The following TOX3 variants were observed in gnomAD, a reference collection of about 807,000 sequenced individuals.
The protein encoded by TOX3 is CAG trinucleotide repeat-containing gene F9 protein.
Under a neutral mutation model 64.3 loss-of-function variants are expected in TOX3, and 22 were observed. That is an observed-to-expected ratio of 0.34 (90% confidence interval 0.24 to 0.49). TOX3 has a LOEUF of 0.49. Ranked by LOEUF, TOX3 falls within the 20% of genes least tolerant of loss-of-function variation. TOX3 has a pLI of 0.99. For synonymous variants in TOX3, 291 were observed against 273.6 expected (o/e 1.06, Z -0.63); for missense variants, 661 against 714.4 (o/e 0.93, Z 0.85).
chr16:52,534,511 C>T (rs116715376), intron 1 of TOX3, among the ~76,000 whole-genome samples: 1 of 152,020 alleles, frequency 6.6e-6, no homozygotes, highest in Non-Finnish European at 1.5e-5. Flanking sequence ...GGGGTGTGCA[C>T]TTGCAGTCCT....
chr16:52,489,926 T>C (rs991617397), intron 1 of TOX3, among the ~76,000 whole-genome samples: 1 of 152,138 alleles, frequency 6.6e-6, no homozygotes, highest in East Asian at 1.9e-4. Context: ...GTACCAGCAA[T>C]CCTAACCAAT....
intron 4 of TOX3, among the ~76,000 whole-genome samples, chr16:52,448,386 A>T (rs1195292395): frequency 6.6e-6 from 1 of 152,142 alleles, no homozygotes; most frequent in South Asian, 2.1e-4. Flanking sequence ...AAGTATGAAG[A>T]TCAGCGGACG....
chr16:52,462,146 TCCATGTAAATA>T (rs1960710024), intron 3 of TOX3, among the ~76,000 whole-genome samples: 3 of 152,064 alleles, frequency 2.0e-5, no homozygotes, highest in Admixed American at 2.0e-4. Flanking sequence ...TGTGATGAGG[TCCATGTAAATA>T]CCATGACAAC....
chr16:52,520,920 C>CT (rs1019642527), intron 1 of TOX3, among the ~76,000 whole-genome samples: 3 of 152,028 alleles, frequency 2.0e-5, no homozygotes, highest in Non-Finnish European at 4.4e-5. Context: ...AATTAATATG[C>CT]TTTTTTGTTA....
intron 1 of TOX3, among the ~76,000 whole-genome samples, chr16:52,539,657 A>T (rs1264226207): frequency 6.6e-6 from 1 of 151,966 alleles, no homozygotes; most frequent in African/African-American, 2.4e-5. Context: ...AAACAGAAAG[A>T]CTCCATCTTT....
chr16:52,446,068 G>T lies in TOX3; in HGVS notation c.832C>A (p.Pro278Thr), dbSNP rs751141352. 1 of 1,613,910 alleles carries T rather than the reference G, an allele frequency of 6.2e-7. No individual in the cohort carries two copies. The change falls in exon 5 of 7, where the codon CCC becomes ACC. Residue 278 changes from proline (P) to threonine (T), a missense_variant. Around this residue, in one of 3 missense-constraint regions of TOX3, gnomAD observed 103 missense variants for 161.2 expected, o/e 0.64. Transcript: ENST00000219746. ...GAGACCTCTCCAAAGGTTGCATTGG[G>T]GTTTTGACCTTTAATTGCAGCCTGT... is the stretch of plus-strand genomic sequence containing the variant. ...DTQAAIKGQN[P>T]NATFGEVSKI...
intron 1 of TOX3, among the ~76,000 whole-genome samples, chr16:52,511,196 G>A (rs576160061): frequency 6.6e-6 from 1 of 152,184 alleles, no homozygotes; most frequent in East Asian, 1.9e-4. Context: ...GATACTCAAA[G>A]AGAAACAGTA....
At chr16:52,456,721 C>G (rs1232928582) in intron 3 of TOX3, among the ~76,000 whole-genome samples, 4 of 152,160 alleles carry the variant, frequency 2.6e-5, no homozygotes, top group African/African-American at 7.2e-5. Context: ...AATAAGGAAA[C>G]TTTAGATCAC....
At chr16:52,476,169 A>C (rs1411479062) in intron 1 of TOX3, among the ~76,000 whole-genome samples, 1 of 152,030 alleles carries the variant, frequency 6.6e-6, no homozygotes, top group Admixed American at 6.5e-5. Context: ...CACCAGGAGA[A>C]AGGATGGGAA....
intron 1 of TOX3, among the ~76,000 whole-genome samples, chr16:52,509,758 C>T (rs1302789613): frequency 2.0e-5 from 3 of 152,154 alleles, no homozygotes; most frequent in Non-Finnish European, 4.4e-5. Flanking sequence ...CATATAAACA[C>T]ATTCATTGCT....
intron 1 of TOX3, among the ~76,000 whole-genome samples, chr16:52,505,863 C>T (rs1368883946): frequency 6.6e-6 from 1 of 152,248 alleles, no homozygotes. Context: ...GTAGTCCCAG[C>T]TACCCAGGAG....
chr16:52,439,023 A>G lies in TOX3; in HGVS notation c.*202T>C, dbSNP rs1394226184. On this transcript the variant is annotated 3_prime_UTR_variant, in exon 7 of 7. Coordinates refer to ENST00000219746, the MANE Select transcript of TOX3 (RefSeq NM_001080430.4). ...AGCACAGCTTTTCTTGTTTAAAAAC[A>G]AAGTGATTTATAGTCAGCTAAAAGA... 6.2e-6 allele frequency: 5 copies of G among 806,492 alleles called. No homozygotes were observed. The highest frequency in any genetic ancestry group is 1.4e-5 in the South Asian group (1 of 70,524). 50.0% of individuals were successfully genotyped at this position (806,492 alleles called of 1,614,324 possible). A position where few individuals can be genotyped will look rare whatever the true frequency, so the allele number is the denominator to read the frequency against.
At chr16:52,542,737 G>A (rs147559619) in intron 1 of TOX3, among the ~76,000 whole-genome samples, 1 of 152,106 alleles carries the variant, frequency 6.6e-6, no homozygotes, top group African/African-American at 2.4e-5. Context: ...CTTACGTGAA[G>A]ACCTGTCGTG....
chr16:52,483,491 C>A (rs1961420536), intron 1 of TOX3, among the ~76,000 whole-genome samples: 1 of 151,782 alleles, frequency 6.6e-6, no homozygotes, highest in African/African-American at 2.4e-5. Context: ...TGAGATGAAA[C>A]CTACATGTTG....
chr16:52,479,105 T>TA (rs1961298229), intron 1 of TOX3, among the ~76,000 whole-genome samples: 1 of 151,988 alleles, frequency 6.6e-6, no homozygotes, highest in South Asian at 2.1e-4. Flanking sequence ...GTGGAGGAGG[T>TA]ATTTGAAGTA....
rs1963209118 is a variant in TOX3, at chr16:52,546,883, A to G, written c.-160T>C. 3 of 1,165,804 alleles carry G rather than the reference A, an allele frequency of 2.6e-6. No individual in the cohort carries two copies. The South Asian group carries it at 1.3e-4, about 50-fold the overall frequency. 72.2% of individuals were successfully genotyped at this position (1,165,804 alleles called of 1,614,324 possible). On this transcript the variant is annotated 5_prime_UTR_variant, in exon 1 of 7. Transcript: ENST00000219746. ...GGACCCAGAGCCCGAGGAGCTCGGG[A>G]GCCGCGGCCGCCGCACACAAAGGCG...
At chr16:52,493,547 G>T (rs1050449568) in intron 1 of TOX3, among the ~76,000 whole-genome samples, 1 of 152,120 alleles carries the variant, frequency 6.6e-6, no homozygotes, top group Non-Finnish European at 1.5e-5. Flanking sequence ...AAGAATAAAG[G>T]GAGAAGATTG....
chr16:52,534,124 C>G (rs1354007279), intron 1 of TOX3, among the ~76,000 whole-genome samples: 1 of 151,978 alleles, frequency 6.6e-6, no homozygotes, highest in African/African-American at 2.4e-5. Context: ...GGACAATGAC[C>G]AAGAGAACAA....
Position 52,525,013 on chromosome 16 carries a change from C to A in TOX3, c.87+21624G>T, listed in dbSNP as rs560999551. ...CTTTGTTCTATTCTGATTTCAAAAA[C>A]CTGAAAGGCAAGATATTTGAGGGAA... is the stretch of plus-strand genomic sequence containing the variant. On this transcript the variant is annotated intron_variant, in intron 1 of 6. Coordinates refer to ENST00000219746, the MANE Select transcript of TOX3 (RefSeq NM_001080430.4). Among the ~76,000 whole-genome samples, 303 of 151,718 alleles carry A rather than the reference C, an allele frequency of 2.0e-3. 1 individual carries two copies. The highest frequency in any genetic ancestry group is 0.01 in the Middle Eastern group (3 of 294).
Sources: gnomAD v4.1 joint callset for allele counts (sites outside exome capture counted in the v4.1 genomes callset) on GRCh38, gnomAD v4.1.1 for gene constraint, gnomAD v4.1.1 regional missense constraint, MANE v1.5 for transcripts, NCBI Gene and HGNC (gene_info 2026-07-23, HGNC 2026-07-21) for gene names.